HDLBP: variants seen among roughly 807,000 people sequenced by gnomAD.
The protein encoded by HDLBP is vigilin.
In HDLBP, 30 loss-of-function variants were observed where a neutral mutation model predicts 137.3. The observed-to-expected ratio is 0.22, with a 90% CI of 0.16 to 0.30. The LOEUF (loss-of-function observed/expected upper bound fraction) is 0.30, where lower values mean the gene tolerates loss of function less well. HDLBP is among the 10% of genes least tolerant of loss of function. HDLBP has a pLI of 1.00. For missense variants in HDLBP, 1,119 were observed against 1,667.3 expected (o/e 0.67, Z 5.73); for synonymous variants, 606 against 596.0 (o/e 1.02, Z -0.24).
At chr2:241,270,703 C>T (rs1649387549) in intron 1 of HDLBP, among the ~76,000 whole-genome samples, 1 of 152,196 alleles carries the variant, frequency 6.6e-6, no homozygotes, top group South Asian at 2.1e-4. Flanking sequence ...CATGTCCACC[C>T]CGCACTGCTA....
chr2:241,305,713 C>G (rs913309684), intron 1 of HDLBP, among the ~76,000 whole-genome samples: 1 of 151,418 alleles, frequency 6.6e-6, no homozygotes, highest in East Asian at 1.9e-4. Flanking sequence ...AAATAAATAG[C>G]GTGATGACTA....
chr2:241,311,492 G>A (rs1389157094), intron 1 of HDLBP, among the ~76,000 whole-genome samples: 1 of 152,234 alleles, frequency 6.6e-6, no homozygotes, highest in African/African-American at 2.4e-5. Flanking sequence ...GTTACAGGAA[G>A]ATTTCAGGCA....
At chr2:241,290,152 CT>C (rs1479778099) in intron 1 of HDLBP, among the ~76,000 whole-genome samples, 1 of 152,094 alleles carries the variant, frequency 6.6e-6, no homozygotes, top group Non-Finnish European at 1.5e-5. Flanking sequence ...GGTATGCTAC[CT>C]TTCTGTAAGA....
At chr2:241,307,956 T>C (rs763372087) in intron 1 of HDLBP, among the ~76,000 whole-genome samples, 34 of 151,696 alleles carry the variant, frequency 2.2e-4, no homozygotes, top group African/African-American at 4.4e-4. Context: ...ACAGGATAAA[T>C]TGAATTGGAA....
intron 1 of HDLBP, among the ~76,000 whole-genome samples, chr2:241,300,065 G>T (rs1024200090): frequency 2.7e-5 from 4 of 150,650 alleles, no homozygotes; most frequent in Non-Finnish European, 5.9e-5. Flanking sequence ...CTTCATAAAA[G>T]ATTTTTTTTT....
At chr2:241,243,327 C>T (rs528651821) in intron 16 of HDLBP, among the ~76,000 whole-genome samples, 2 of 152,196 alleles carry the variant, frequency 1.3e-5, no homozygotes, top group South Asian at 2.1e-4. Flanking sequence ...AAGAAATCAC[C>T]CTGGGCCTGG....
intron 1 of HDLBP, among the ~76,000 whole-genome samples, chr2:241,297,062 A>C (rs975121604): frequency 3.3e-5 from 5 of 152,280 alleles, no homozygotes; most frequent in Non-Finnish European, 5.9e-5. Context: ...ACTACTGTAC[A>C]TTAAATGAAA....
chr2:241,272,511 C>T lies in HDLBP; in HGVS notation c.-102-3970G>A. On this transcript the variant is annotated intron_variant, in intron 1 of 27. Transcript: ENST00000310931. The surrounding 1 kb of genome is among the most constrained non-coding windows in gnomAD (Gnocchi z 5.6). ...CTTGAGAAAGTTTGTGCGCGCCCCT[C>T]CGCGCCACGGCCACGCGCAGAAGAG... 4 of 984,756 alleles carry T rather than the reference C, an allele frequency of 4.1e-6. No individual in the cohort carries two copies. The highest frequency in any genetic ancestry group is 4.8e-6 in the Non-Finnish European group (4 of 829,732). 61.0% of individuals were successfully genotyped at this position (984,756 alleles called of 1,614,324 possible).
chr2:241,266,611 T>C lies in HDLBP; in HGVS notation c.76+183A>G, dbSNP rs545260569. ...TCACTGTACTTGATTCATTTCCTCATGCCTGGCCAGTCGCCCCTGCACGCA... is the reference window on the plus strand; with the variant it reads ...TCACTGTACTTGATTCATTTCCTCACGCCTGGCCAGTCGCCCCTGCACGCA... On this transcript the variant is annotated intron_variant, in intron 3 of 27. Transcript: ENST00000310931. 20 of 580,560 alleles carry C rather than the reference T, an allele frequency of 3.4e-5. No individual in the cohort carries two copies. The East Asian group carries it at 5.4e-4, about 16-fold the overall frequency. The allele number at this position is 580,560 out of a possible 1,614,324, so 36.0% of individuals were successfully genotyped here.
intron 1 of HDLBP, among the ~76,000 whole-genome samples, chr2:241,270,398 C>T (rs758702939): frequency 6.6e-5 from 10 of 152,186 alleles, no homozygotes; most frequent in Non-Finnish European, 1.5e-4. Flanking sequence ...GAGCGTGTAA[C>T]GAATGGTTCA....
At chr2:241,290,539 G>A (rs1049100229) in intron 1 of HDLBP, among the ~76,000 whole-genome samples, 1 of 152,136 alleles carries the variant, frequency 6.6e-6, no homozygotes, top group Non-Finnish European at 1.5e-5. Context: ...GAACCCAAGA[G>A]GCGGAGGTTG....
At chr2:241,248,458 T>G in intron 12 of HDLBP, 110 bp from the exon 13 acceptor site, 1 of 871,408 alleles carries the variant, frequency 1.1e-6, no homozygotes. Context: ...ATGGAGCAGG[T>G]GAGGTGGTCT....
At chr2:241,256,086 AAAGAT>A in intron 7 of HDLBP, 93 bp downstream of exon 7, 1 of 1,026,322 alleles carries the variant, frequency 9.7e-7, no homozygotes, top group Non-Finnish European at 1.5e-6. Context: ...TCAAGGACAA[AAAGAT>A]AAGGGGCAGA....
At chr2:241,267,500 G>A in intron 2 of HDLBP, 2 of 1,388,832 alleles carry the variant, frequency 1.4e-6, no homozygotes, top group Admixed American at 2.0e-5. Flanking sequence ...CCTGACCCAG[G>A]CTCCAGGCAT....
chr2:241,310,501 G>A lies in HDLBP; in HGVS notation c.-103+5069C>T, dbSNP rs184814002. 9.2e-5 allele frequency among the ~76,000 whole-genome samples: 14 copies of A among 152,196 alleles called. No homozygotes were observed. In the East Asian group the frequency reaches 9.6e-4, roughly 10 times the overall value. Reference sequence around the variant, plus strand: ...TTATTATTTATTGTATCCATAAATCGTAACATCACTTTGTACCCCCTAAAT... The same window carrying A: ...TTATTATTTATTGTATCCATAAATCATAACATCACTTTGTACCCCCTAAAT... On this transcript the variant is annotated intron_variant, in intron 1 of 27. Coordinates refer to ENST00000310931, the MANE Select transcript of HDLBP (RefSeq NM_005336.6).
At chr2:241,290,808 G>A (rs1485039242) in intron 1 of HDLBP, among the ~76,000 whole-genome samples, 2 of 152,140 alleles carry the variant, frequency 1.3e-5, no homozygotes, top group African/African-American at 2.4e-5. Flanking sequence ...ATGTCAGAGC[G>A]GCGGCCTAAG....
At chr2:241,249,773 T>C in intron 12 of HDLBP, 68 bp downstream of exon 12, 2 of 1,453,226 alleles carry the variant, frequency 1.4e-6, no homozygotes, top group East Asian at 2.3e-5. Flanking sequence ...CACAACACGC[T>C]ACTCCTTAGA....
At chr2:241,278,882 G>C (rs1338630566) in intron 1 of HDLBP, among the ~76,000 whole-genome samples, 1 of 151,912 alleles carries the variant, frequency 6.6e-6, no homozygotes. Context: ...AATCTAAGCC[G>C]GGTGTGGTGA....
chr2:241,265,742 C>G (rs929214953), intron 3 of HDLBP, among the ~76,000 whole-genome samples: 6 of 152,204 alleles, frequency 3.9e-5, no homozygotes. Flanking sequence ...CAAGTCCAGG[C>G]CCATCGCTTC....
Sources: gnomAD v4.1 joint callset for allele counts (sites outside exome capture counted in the v4.1 genomes callset) on GRCh38, gnomAD v4.1.1 for gene constraint, Gnocchi (gnomAD v3.1) non-coding constraint, MANE v1.5 for transcripts, NCBI Gene and HGNC (gene_info 2026-07-23, HGNC 2026-07-21) for gene names.